The following SYNE2 variants were observed in gnomAD, a reference collection of about 807,000 sequenced individuals.
SYNE2 encodes nesprin-2.
SYNE2 carries 431 observed loss-of-function variants against 856.3 expected under a neutral mutation model. That is an observed-to-expected ratio of 0.50 (90% confidence interval 0.47 to 0.55). The LOEUF is 0.55. SYNE2 is among the 20% of genes least tolerant of loss of function. The probability of loss-of-function intolerance (pLI) is 0.00; values close to 1 mark genes in which losing one functional copy is unlikely to be tolerated. For synonymous variants in SYNE2, 2,923 were observed against 2,872.3 expected (o/e 1.02, Z -0.56); for missense variants, 8,129 against 8,023.2 (o/e 1.01, Z -0.50).
upstream of SYNE2, among the ~76,000 whole-genome samples, chr14:63,851,975 CG>C (rs113075796): frequency 1.0e-3 from 24 of 23,578 alleles, no homozygotes; most frequent in African/African-American, 1.9e-3. Context: ...AGCTACTAAG[CG>C]GGGGGGGGGG....
intron 82 of SYNE2, among the ~76,000 whole-genome samples, chr14:64,142,620 C>T (rs184663040): frequency 5.9e-5 from 9 of 152,144 alleles, no homozygotes; most frequent in African/African-American, 1.9e-4. Context: ...TCCTATCATG[C>T]ATTATTATAA....
chr14:63,814,701 C>CATATATATCCAT, intron 1 of SYNE2, among the ~76,000 whole-genome samples: 1 of 85,682 alleles, frequency 1.2e-5, no homozygotes, highest in Non-Finnish European at 2.3e-5. Context: ...TATATATATC[C>CATATATATCCAT]ATATATATCC....
intron 31 of SYNE2, among the ~76,000 whole-genome samples, chr14:64,009,425 A>G (rs1476420362): frequency 6.6e-6 from 1 of 151,150 alleles, no homozygotes; most frequent in African/African-American, 2.4e-5. Flanking sequence ...AATCCTAGCT[A>G]CTTGGGAGGC....
At chr14:63,910,445 T>A (rs2095459337) in intron 2 of SYNE2, among the ~76,000 whole-genome samples, 1 of 152,192 alleles carries the variant, frequency 6.6e-6, no homozygotes, top group African/African-American at 2.4e-5. Context: ...TAAGAAACAT[T>A]TAAATTGTTG....
At chr14:63,855,397 T>A (rs1474336502) in intron 1 of SYNE2, among the ~76,000 whole-genome samples, 2 of 152,150 alleles carry the variant, frequency 1.3e-5, no homozygotes, top group Non-Finnish European at 2.9e-5. Flanking sequence ...CAGAACAACC[T>A]CTTTTGGCTT....
rs749970226 is a variant in SYNE2, at chr14:64,052,618, A to C, written c.8705A>C (p.Tyr2902Ser). The change falls in exon 48 of 116, where the codon TAT (tyrosine) becomes TCT (serine). Residue 2902 changes from tyrosine (Y) to serine (S), a missense_variant. Tyr to Ser is a moderately radical substitution (Grantham distance 144, BLOSUM62 -2). This residue lies in a region of SYNE2 where 5,410 missense variants were observed against 5,284.8 expected (regional missense o/e 1.02). Transcript: ENST00000555002. ...STHLQELTNI[Y>S]EELNVFERLF... ...CATCTTCAGGAGCTAACAAACATCTATGAGGAGCTGAATGTGTTTGAAAGA... is the reference window on the plus strand; with the variant it reads ...CATCTTCAGGAGCTAACAAACATCTCTGAGGAGCTGAATGTGTTTGAAAGA... The C allele has an allele frequency of 6.2e-7, 1 of 1,614,124 alleles. No individual in the cohort carries two copies. The highest frequency in any genetic ancestry group is 2.2e-5 in the East Asian group (1 of 44,884).
intron 85 of SYNE2, 27 bp downstream of exon 85, chr14:64,152,743 A>T (rs374504849): frequency 6.2e-7 from 1 of 1,613,378 alleles, no homozygotes; most frequent in Non-Finnish European, 8.5e-7. Context: ...GAAATGTGCT[A>T]TTTCTCTTCA....
chr14:63,779,136 A>G (rs1015254020), intron 1 of SYNE2, among the ~76,000 whole-genome samples: 1 of 151,804 alleles, frequency 6.6e-6, no homozygotes, highest in African/African-American at 2.4e-5. Context: ...CCTGGCAAAC[A>G]TGGTGAAACC....
At position 64,098,778 on chromosome 14, in the gene SYNE2, C is replaced by T. The variant is rs1230049095; in HGVS notation, c.12338C>T (p.Ala4113Val). Residue 4113 changes from alanine (A) to valine (V), a missense_variant, in exon 63 of 116, where the codon GCA becomes GTA. By Grantham distance (64) the Ala-to-Val change is moderately conservative. This residue lies in a region of SYNE2 where 5,410 missense variants were observed against 5,284.8 expected (regional missense o/e 1.02). Coordinates refer to ENST00000555002, the MANE Select transcript of SYNE2 (RefSeq NM_182914.3). ...AGAAGAGGCTCCATGTCTTACCTGG[C>T]AGCAGTCGAGGAAGAGGTGGAAGAA... ...LNRRGSMSYL[A>V]AVEEEVEESS... 1.2e-6 allele frequency: 2 copies of T among 1,613,834 alleles called. No homozygotes were observed. The highest frequency in any genetic ancestry group is 1.7e-6 in the Non-Finnish European group (2 of 1,180,016).
In SYNE2 at chr14:64,221,559, A is replaced by T; in HGVS notation, c.20062-17A>T. 3.7e-6 allele frequency: 6 copies of T among 1,613,964 alleles called. No homozygotes were observed. The highest frequency in any genetic ancestry group is 5.1e-6 in the Non-Finnish European group (6 of 1,179,972). ...GGCTCTAAGACACGGCCGCGCTCTG[A>T]TGTGTTGTTTTTTAAGGACTTCCAC... is the stretch of plus-strand genomic sequence containing the variant. On this transcript the variant is annotated splice_polypyrimidine_tract_variant and intron_variant, in intron 111 of 115. Transcript: ENST00000555002.
intron 84 of SYNE2, among the ~76,000 whole-genome samples, chr14:64,149,905 C>T (rs1383263011): frequency 3.3e-5 from 5 of 151,388 alleles, no homozygotes; most frequent in African/African-American, 1.2e-4. Context: ...GACAGGACTA[C>T]TGGGCTAAAT....
chr14:63,874,501 T>C (rs2094669524), intron 1 of SYNE2, among the ~76,000 whole-genome samples: 1 of 152,174 alleles, frequency 6.6e-6, no homozygotes, highest in Non-Finnish European at 1.5e-5. Flanking sequence ...GAAGGATATC[T>C]ATGTAACCTG....
Position 64,157,957 on chromosome 14 carries a change from T to C in SYNE2, c.15793-668T>C, listed in dbSNP as rs76534359. 5.4e-3 allele frequency among the ~76,000 whole-genome samples: 818 copies of C among 152,338 alleles called. 8 individuals carry two copies. Among genetic ancestry groups the C allele is most frequent in the African/African-American group, 0.018 (752 of 41,568 alleles). On this transcript the variant is annotated intron_variant, in intron 85 of 115. Coordinates refer to ENST00000555002, the MANE Select transcript of SYNE2 (RefSeq NM_182914.3). ...CTTTAATATTGATTTGTAAGTTTTC[T>C]TTACATACTCTTGATTGTATCTGAG...
At chr14:63,883,322 G>T (rs904376571) in intron 1 of SYNE2, among the ~76,000 whole-genome samples, 1 of 151,960 alleles carries the variant, frequency 6.6e-6, no homozygotes, top group African/African-American at 2.4e-5. Context: ...GCCTCCCAAA[G>T]TGCTAGGATT....
chr14:63,768,538 G>A (rs1419734539), intron 1 of SYNE2, among the ~76,000 whole-genome samples: 2 of 152,260 alleles, frequency 1.3e-5, no homozygotes, highest in Non-Finnish European at 1.5e-5. Flanking sequence ...TCAATAAATA[G>A]ATGAAAATGT....
chr14:64,099,205 G>A (rs2097701488), intron 63 of SYNE2: 1 of 270,156 alleles, frequency 3.7e-6, no homozygotes, highest in South Asian at 4.2e-5. Flanking sequence ...TATTTCCAAT[G>A]ACATGAAGAG....
intron 44 of SYNE2, among the ~76,000 whole-genome samples, chr14:64,030,516 A>G (rs2097024970): frequency 6.6e-6 from 1 of 152,208 alleles, no homozygotes. Context: ...GAGTTTTAAA[A>G]TTAGTCATAT....
At chr14:64,148,529 C>T (rs747401212) in intron 84 of SYNE2, among the ~76,000 whole-genome samples, 3 of 152,010 alleles carry the variant, frequency 2.0e-5, no homozygotes, top group Non-Finnish European at 4.4e-5. Flanking sequence ...TCCCTCCCCT[C>T]GCCCCCACCA....
rs1419074393 is a variant in SYNE2 at position 63,982,724 on chromosome 14, G to A, written c.1931G>A (p.Gly644Glu). 6.2e-7 allele frequency: 1 copy of A among 1,614,014 alleles called. No homozygotes were observed. Among genetic ancestry groups the A allele is most frequent in the East Asian group, 2.2e-5 (1 of 44,856 alleles). ...FLVEVSNDVV[G>E]SSISKELRRL... Reference sequence around the variant, plus strand: ...GTCGAAGTCAGCAATGATGTGGTTGGATCATCTATTTCTAAAGAACTGAGA... The same window carrying A: ...GTCGAAGTCAGCAATGATGTGGTTGAATCATCTATTTCTAAAGAACTGAGA... Residue 644 changes from glycine (G) to glutamate (E), a missense_variant, in exon 17 of 116, where the codon GGA (glycine) becomes GAA (glutamate). Gly to Glu is a moderately conservative substitution (Grantham distance 98). This residue lies in a region of SYNE2 where 2,422 missense variants were observed against 2,357.4 expected (regional missense o/e 1.03). Coordinates refer to ENST00000555002, the MANE Select transcript of SYNE2 (RefSeq NM_182914.3).
Sources: allele counts gnomAD v4.1 joint callset (sites outside exome capture counted in the v4.1 genomes callset), GRCh38; gene constraint gnomAD v4.1.1; regional missense constraint gnomAD v4.1.1; transcripts MANE v1.5; gene names NCBI Gene and HGNC (gene_info 2026-07-23, HGNC 2026-07-21).